The following TXNRD2 variants were observed in gnomAD, a reference collection of about 807,000 sequenced individuals.
TXNRD2 encodes thioredoxin reductase 2, mitochondrial.
TXNRD2 carries 67 observed loss-of-function variants against 70.8 expected under a neutral mutation model. That is an observed-to-expected ratio of 0.95 (90% CI 0.78 to 1.16). The LOEUF is 1.16. Ranked by LOEUF, TXNRD2 falls within the 50% of genes most tolerant of loss-of-function variation. The pLI is 0.00. For synonymous variants in TXNRD2, 301 were observed against 295.8 expected (o/e 1.02, Z -0.18); for missense variants, 644 against 719.9 (o/e 0.89, Z 1.21).
chr22:19,925,146 T>C (rs374766644), intron 2 of TXNRD2, among the ~76,000 whole-genome samples: 9 of 151,716 alleles, frequency 5.9e-5, no homozygotes, highest in South Asian at 4.1e-4. Flanking sequence ...TAGACGGGCA[T>C]GGTGGCATGC....
intron 1 of TXNRD2, among the ~76,000 whole-genome samples, chr22:19,938,765 G>T (rs115247175): frequency 0.01 from 1,553 of 152,138 alleles, 28 homozygotes; most frequent in African/African-American, 0.034. Flanking sequence ...ACATATAATG[G>T]AAAACATGGG....
chr22:19,930,014 G>C (rs1419157017), intron 2 of TXNRD2, among the ~76,000 whole-genome samples: 2 of 152,182 alleles, frequency 1.3e-5, no homozygotes, highest in Admixed American at 6.5e-5. Context: ...CACAGCCCAG[G>C]TGCCCGGTCT....
chr22:19,893,694 G>A (rs1038567628), intron 11 of TXNRD2, among the ~76,000 whole-genome samples: 5 of 152,248 alleles, frequency 3.3e-5, no homozygotes, highest in Non-Finnish European at 7.3e-5. Flanking sequence ...GAGCAAGAAG[G>A]TGAGACCAGA....
Position 19,933,364 on chromosome 22 carries a change from C to T in TXNRD2, c.104-2266G>A, listed in dbSNP as rs565912501. 216 of 1,106,604 alleles carry T rather than the reference C, an allele frequency of 2.0e-4. 1 individual carries two copies. In the African/African-American group the frequency reaches 2.7e-3, roughly 14 times the overall value. The allele number at this position is 1,106,604 out of a possible 1,614,324, so 68.5% of individuals were successfully genotyped here. On this transcript the variant is annotated intron_variant, in intron 1 of 17. Transcript: ENST00000400521. ...ACCAGGTCCCCCGGGGAGCATGAACCTGCTGATGGAGAAGCATCTCTCTCC... is the reference window on the plus strand; with the variant it reads ...ACCAGGTCCCCCGGGGAGCATGAACTTGCTGATGGAGAAGCATCTCTCTCC...
intron 5 of TXNRD2, among the ~76,000 whole-genome samples, chr22:19,917,480 A>G (rs1480421783): frequency 2.0e-5 from 3 of 152,168 alleles, no homozygotes; most frequent in Admixed American, 6.5e-5. Flanking sequence ...GGCCAAGCAA[A>G]TGGTGCATGA....
chr22:19,905,591 A>G (rs1939973274), intron 8 of TXNRD2, among the ~76,000 whole-genome samples: 1 of 152,156 alleles, frequency 6.6e-6, no homozygotes, highest in Admixed American at 6.5e-5. Flanking sequence ...GGCTGCAGTG[A>G]CCGTCACCGA....
chr22:19,902,976 T>G (rs753323521), intron 8 of TXNRD2: 10 of 518,802 alleles, frequency 1.9e-5, no homozygotes, highest in South Asian at 1.3e-4. Context: ...AAAAGCTCTT[T>G]CCATGACACA....
rs766469161 is a variant in TXNRD2 at position 19,877,132 on chromosome 22, G to A, written c.1548C>T (p.Asp516=). Residue 516 remains aspartate, a synonymous_variant, in exon 17 of 18, where the codon GAC becomes GAT. Coordinates refer to ENST00000400521, the MANE Select transcript of TXNRD2 (RefSeq NM_006440.5). ...ACCCTCAGCAGCCTGTCACCGTGGG[G>A]TCCAGGCCTGAGCGCTTGGAGATGC... ...KLRISKRSGL[D]PTVTGCUG 4 of 1,607,128 alleles carry A rather than the reference G, an allele frequency of 2.5e-6. No homozygotes were observed. The highest frequency in any genetic ancestry group is 3.3e-5 in the Admixed American group (2 of 59,858).
chr22:19,886,972 G>T (rs568496790), intron 11 of TXNRD2, among the ~76,000 whole-genome samples: 1 of 152,184 alleles, frequency 6.6e-6, no homozygotes, highest in African/African-American at 2.4e-5. Context: ...GCTTCTGGGC[G>T]CAGGGCAGTC....
chr22:19,909,861 A>ACACACCACTCACACACACAAC (rs1940299303), intron 8 of TXNRD2, among the ~76,000 whole-genome samples: 1 of 83,252 alleles, frequency 1.2e-5, no homozygotes, highest in Non-Finnish European at 2.3e-5. Flanking sequence ...CACACACACC[A>ACACACCACTCACACACACAAC]CACACACACC....
In TXNRD2 at chr22:19,883,420, C is replaced by T. The variant is rs1301100686; in HGVS notation, c.991G>A (p.Gly331Arg). Reference sequence around the variant, plus strand: ...TGAGTGTCGGGGCTAGTATCTACCCCAGCCTTCTCCAAATTCAGACTTCTG... The same window carrying T: ...TGAGTGTCGGGGCTAGTATCTACCCTAGCCTTCTCCAAATTCAGACTTCTG... ...DTRSLNLEKAGVDTSPDTQKI... is the reference protein window; with the variant it reads ...DTRSLNLEKARVDTSPDTQKI... Residue 331 changes from glycine (G) to arginine (R), a missense_variant, in exon 12 of 18, where the codon GGG becomes AGG. Gly to Arg is a moderately radical substitution (Grantham distance 125). Around this residue, in one of 3 missense-constraint regions of TXNRD2, gnomAD observed 566 missense variants for 645.0 expected, o/e 0.88. Coordinates refer to ENST00000400521, the MANE Select transcript of TXNRD2 (RefSeq NM_006440.5). 1 of 1,614,078 alleles carries T rather than the reference C, an allele frequency of 6.2e-7. No individual in the cohort carries two copies. Among genetic ancestry groups the T allele is most frequent in the Non-Finnish European group, 8.5e-7 (1 of 1,180,034 alleles).
intron 1 of TXNRD2, among the ~76,000 whole-genome samples, chr22:19,937,086 T>A (rs1017105189): frequency 1.3e-5 from 2 of 152,222 alleles, no homozygotes; most frequent in Non-Finnish European, 2.9e-5. Flanking sequence ...TCCTATAGAC[T>A]GCGACCTTTT....
At chr22:19,932,634 G>A (rs1054277542) in intron 1 of TXNRD2, 16 of 1,355,986 alleles carry the variant, frequency 1.2e-5, no homozygotes, top group Non-Finnish European at 1.5e-5. Flanking sequence ...GCTGGGGTGA[G>A]GGCAGGGTGG....
At chr22:19,909,874 T>TCACACAAC (rs1555911628) in intron 8 of TXNRD2, among the ~76,000 whole-genome samples, 4 of 40,636 alleles carry the variant, frequency 9.8e-5, no homozygotes, top group African/African-American at 2.5e-4. Context: ...CACACACCAC[T>TCACACAAC]CACACACACC....
At chr22:19,932,691 C>T in intron 1 of TXNRD2, 3 of 794,058 alleles carry the variant, frequency 3.8e-6, no homozygotes, top group South Asian at 2.3e-5. Flanking sequence ...GTGCCCTCAG[C>T]CCCTCTGCAG....
intron 11 of TXNRD2, chr22:19,894,730 C>T: frequency 3.9e-6 from 1 of 256,096 alleles, no homozygotes; most frequent in Non-Finnish European, 7.6e-6. Context: ...TGGCTCACAC[C>T]TGTAATCTCA....
intron 11 of TXNRD2, chr22:19,894,832 A>G (rs774042484): frequency 8.7e-5 from 36 of 415,942 alleles, no homozygotes; most frequent in Admixed American, 2.0e-4. Context: ...TACTAAAAAT[A>G]CAAAAATTAG....
chr22:19,919,459 G>T, intron 3 of TXNRD2, 84 bp downstream of exon 3: 1 of 1,264,982 alleles, frequency 7.9e-7, no homozygotes, highest in Non-Finnish European at 1.1e-6. Flanking sequence ...AAGGACTTTG[G>T]TGTCAGCTGC....
intron 2 of TXNRD2, among the ~76,000 whole-genome samples, chr22:19,930,248 C>T (rs1461573066): frequency 6.6e-6 from 1 of 152,182 alleles, no homozygotes; most frequent in East Asian, 1.9e-4. Context: ...ATCAGAGAAG[C>T]ACAGCTTCAG....
Sources: allele counts gnomAD v4.1 joint callset (sites outside exome capture counted in the v4.1 genomes callset), GRCh38; gene constraint gnomAD v4.1.1; regional missense constraint gnomAD v4.1.1; transcripts MANE v1.5; gene names NCBI Gene and HGNC (gene_info 2026-07-23, HGNC 2026-07-21).